The following FSTL4 variants were observed in gnomAD, a reference collection of about 807,000 sequenced individuals.
FSTL4 encodes the protein follistatin-related protein 4.
Under a neutral mutation model 78.2 loss-of-function variants are expected in FSTL4, and 28 were observed. The ratio of observed to expected loss-of-function variants is 0.36; its 90% confidence interval spans 0.27 to 0.49. The LOEUF (loss-of-function observed/expected upper bound fraction) is 0.49. Ranked by LOEUF, FSTL4 falls within the 20% of genes least tolerant of loss-of-function variation. The probability of loss-of-function intolerance (pLI) is 0.98; values close to 1 mark genes in which losing one functional copy is unlikely to be tolerated. For missense variants in FSTL4, 922 were observed against 1,084.9 expected (o/e 0.85, Z 2.11); for synonymous variants, 422 against 440.5 (o/e 0.96, Z 0.53).
intron 4 of FSTL4, among the ~76,000 whole-genome samples, chr5:133,369,367 C>T (rs1229067282): frequency 6.6e-6 from 1 of 152,168 alleles, no homozygotes; most frequent in Non-Finnish European, 1.5e-5. Flanking sequence ...GCTCATTGCT[C>T]CTGTGTCTCC....
intron 3 of FSTL4, among the ~76,000 whole-genome samples, chr5:133,523,628 G>A (rs544794465): frequency 6.3e-4 from 96 of 152,166 alleles, no homozygotes; most frequent in Non-Finnish European, 1.1e-3. Context: ...TATATGTAAA[G>A]TGAGGTTGAC....
the FSTL4 span, among the ~76,000 whole-genome samples, chr5:133,841,544 C>T: frequency 6.6e-6 from 1 of 152,230 alleles, no homozygotes; most frequent in African/African-American, 2.4e-5. Context: ...CCTACACAGC[C>T]CTTTACACAT....
intron 4 of FSTL4, among the ~76,000 whole-genome samples, chr5:133,342,228 C>A (rs1476597782): frequency 2.6e-5 from 4 of 152,186 alleles, no homozygotes; most frequent in African/African-American, 9.6e-5. Context: ...GCTGGACCCC[C>A]ATGTGGCTGC....
chr5:133,570,589 C>T (rs1023449202), intron 2 of FSTL4, among the ~76,000 whole-genome samples: 2 of 152,244 alleles, frequency 1.3e-5, no homozygotes, highest in Middle Eastern at 3.4e-3. Context: ...AGCATTCCAA[C>T]TTTAAAAATA....
At chr5:133,613,120 C>T (rs1350105004), upstream of FSTL4, among the ~76,000 whole-genome samples, 1 of 152,246 alleles carries the variant, frequency 6.6e-6, no homozygotes, top group Non-Finnish European at 1.5e-5. Flanking sequence ...GGTCCCTTCT[C>T]CCTTAGAACA....
chr5:133,766,132 T>G, the FSTL4 span, among the ~76,000 whole-genome samples: 1 of 152,158 alleles, frequency 6.6e-6, no homozygotes, highest in African/African-American at 2.4e-5. Context: ...AATTACTGCA[T>G]AAATGCAGGG....
At chr5:133,685,282 T>A in the FSTL4 span, among the ~76,000 whole-genome samples, 1 of 152,192 alleles carries the variant, frequency 6.6e-6, no homozygotes, top group African/African-American at 2.4e-5. Flanking sequence ...TGACAAACCC[T>A]TCCCCATTCG....
At chr5:133,669,265 G>A in the FSTL4 span, among the ~76,000 whole-genome samples, 1 of 152,220 alleles carries the variant, frequency 6.6e-6, no homozygotes, top group Admixed American at 6.5e-5. Context: ...TGGTGAGCAG[G>A]TGGGGCAGAT....
intron 3 of FSTL4, among the ~76,000 whole-genome samples, chr5:133,525,107 CA>C (rs1400817860): frequency 1.3e-5 from 2 of 152,192 alleles, no homozygotes; most frequent in African/African-American, 2.4e-5. Flanking sequence ...AACAGGCCCA[CA>C]GTCGATATGT....
At chr5:133,478,965 T>C (rs1256518324) in intron 3 of FSTL4, among the ~76,000 whole-genome samples, 2 of 152,176 alleles carry the variant, frequency 1.3e-5, no homozygotes, top group African/African-American at 4.8e-5. Context: ...CTCTCAAATC[T>C]TTGCACATTT....
At chr5:133,785,219 T>C in the FSTL4 span, among the ~76,000 whole-genome samples, 2 of 152,174 alleles carry the variant, frequency 1.3e-5, no homozygotes, top group African/African-American at 4.8e-5. Flanking sequence ...CCACAGCCCC[T>C]GTTCCTTCCT....
the FSTL4 span, among the ~76,000 whole-genome samples, chr5:133,667,472 G>C: frequency 6.6e-6 from 1 of 152,062 alleles, no homozygotes; most frequent in Admixed American, 6.5e-5. Flanking sequence ...CCCAACCAGT[G>C]TTAAAACAAA....
chr5:133,830,685 C>T, the FSTL4 span, among the ~76,000 whole-genome samples: 1 of 152,192 alleles, frequency 6.6e-6, no homozygotes, highest in Non-Finnish European at 1.5e-5. Context: ...CCTGTGCTGG[C>T]CTCCTGCCTC....
intron 6 of FSTL4, among the ~76,000 whole-genome samples, chr5:133,301,325 T>C (rs1364290512): frequency 1.3e-5 from 2 of 152,140 alleles, no homozygotes; most frequent in Non-Finnish European, 2.9e-5. Context: ...GTTTCCTTAT[T>C]TTTGGAACTC....
chr5:133,232,874 C>T (rs1314222710), intron 8 of FSTL4, among the ~76,000 whole-genome samples: 1 of 152,174 alleles, frequency 6.6e-6, no homozygotes, highest in Non-Finnish European at 1.5e-5. Context: ...CAACACAGGG[C>T]CTGTGAGAAT....
At chr5:133,532,737 T>C (rs1173338935) in intron 3 of FSTL4, among the ~76,000 whole-genome samples, 1 of 152,128 alleles carries the variant, frequency 6.6e-6, no homozygotes, top group African/African-American at 2.4e-5. Context: ...AGAGCCTCCT[T>C]TAACAACATC....
chr5:133,392,111 G>A (rs767541654), intron 4 of FSTL4, among the ~76,000 whole-genome samples: 1 of 152,210 alleles, frequency 6.6e-6, no homozygotes, highest in African/African-American at 2.4e-5. Flanking sequence ...ATGGAAAGTG[G>A]ATTTGAAGAA....
the FSTL4 span, among the ~76,000 whole-genome samples, chr5:133,658,822 T>C: frequency 6.6e-6 from 1 of 152,186 alleles, no homozygotes; most frequent in Non-Finnish European, 1.5e-5. Context: ...CATGTGCTGC[T>C]TTCAAATGGT....
intron 11 of FSTL4, among the ~76,000 whole-genome samples, chr5:133,223,499 T>G (rs1205228676): frequency 2.0e-5 from 3 of 152,148 alleles, no homozygotes; most frequent in Admixed American, 6.5e-5. Flanking sequence ...ACAAGGGGAT[T>G]TGGACTCAGA....
Sources: allele counts gnomAD v4.1 joint callset (sites outside exome capture counted in the v4.1 genomes callset), GRCh38; gene constraint gnomAD v4.1.1; transcripts MANE v1.5; gene names NCBI Gene and HGNC (gene_info 2026-07-23, HGNC 2026-07-21).